OLFML2A: variants seen among roughly 807,000 people sequenced by gnomAD.
OLFML2A encodes the protein olfactomedin like 2A.
In OLFML2A, 47 loss-of-function variants were observed where a neutral mutation model predicts 60.9. The ratio of observed to expected loss-of-function variants is 0.77; its 90% CI spans 0.61 to 0.98. The LOEUF (loss-of-function observed/expected upper bound fraction) is 0.98, where lower values mean the gene tolerates loss of function less well. Ranked by LOEUF, OLFML2A falls within the 50% of genes least tolerant of loss-of-function variation. The pLI, the probability that OLFML2A is intolerant of heterozygous loss-of-function variation, is 0.00. For synonymous variants in OLFML2A, 372 were observed against 375.0 expected (o/e 0.99, Z 0.09); for missense variants, 922 against 879.8 (o/e 1.05, Z -0.61).
At chr9:124,783,687 T>G (rs1270641263) in intron 1 of OLFML2A, among the ~76,000 whole-genome samples, 1 of 152,206 alleles carries the variant, frequency 6.6e-6, no homozygotes, top group Non-Finnish European at 1.5e-5. Context: ...CTAGCATGTC[T>G]ACAAAATGCA....
chr9:124,804,229 C>T lies in OLFML2A; in HGVS notation c.1055C>T (p.Ser352Phe). ...TCCTCCGAGCGAGTGGACCTGGCTT[C>T]TGGCACCCCCACTTCAATCCCTGCC... ...PRSSERVDLA[S>F]GTPTSIPATT... is the part of the protein sequence containing the mutation. Residue 352 changes from serine to phenylalanine, a missense_variant, in exon 6 of 8, where the codon TCT becomes TTT. By Grantham distance (155) the Ser-to-Phe change is radical. Coordinates refer to ENST00000373580, the MANE Select transcript of OLFML2A (RefSeq NM_182487.4). 1 of 1,613,886 alleles carries T rather than the reference C, an allele frequency of 6.2e-7. No individual in the cohort carries two copies. Among genetic ancestry groups the T allele is most frequent in the Non-Finnish European group, 8.5e-7 (1 of 1,179,968 alleles).
Position 124,807,801 on chromosome 9 carries a change from G to A in OLFML2A, c.1189G>A (p.Gly397Ser), listed in dbSNP as rs777158838. 38 of 1,612,666 alleles carry A rather than the reference G, an allele frequency of 2.4e-5. No homozygotes were observed. Among genetic ancestry groups the A allele is most frequent in the East Asian group, 6.7e-5 (3 of 44,868 alleles). Residue 397 changes from glycine (G) to serine (S), a missense_variant, in exon 7 of 8, where the codon GGC becomes AGC. Coordinates refer to ENST00000373580, the MANE Select transcript of OLFML2A (RefSeq NM_182487.4). ...SSQGREASCE[G>S]TLRAVDPPVR... ...CACAGGCAGAGAGGCGAGCTGTGAGGGCACCCTCCGGGCTGTGGACCCCCC... is the reference window on the plus strand; with the variant it reads ...CACAGGCAGAGAGGCGAGCTGTGAGAGCACCCTCCGGGCTGTGGACCCCCC...
In OLFML2A at chr9:124,779,761, G is replaced by T. The variant is rs902435315; in HGVS notation, c.90+2401G>T. Among the ~76,000 whole-genome samples the T allele has an allele frequency of 2.6e-5, 4 of 152,336 alleles. No individual in the cohort carries two copies. In the East Asian group the frequency reaches 7.7e-4, roughly 29 times the overall value. ...CCTTAGCTGAGCCAGACTCCTGCTG[G>T]CTCTGCAGAGAGAGCTGTTTTCATT... On this transcript the variant is annotated intron_variant, in intron 1 of 7. Transcript: ENST00000373580. The surrounding 1 kb of genome is among the most constrained non-coding windows in gnomAD (Gnocchi z 4.1).
At chr9:124,799,603 G>C in intron 4 of OLFML2A, 112 bp downstream of exon 4, 1 of 884,126 alleles carries the variant, frequency 1.1e-6, no homozygotes, top group Non-Finnish European at 1.7e-6. Flanking sequence ...CTGTAAGATG[G>C]GGTTGAGGAC....
At chr9:124,794,091 C>T (rs536636608) in intron 2 of OLFML2A, among the ~76,000 whole-genome samples, 29 of 152,260 alleles carry the variant, frequency 1.9e-4, no homozygotes, top group South Asian at 4.1e-4. Flanking sequence ...AAGTGGGAGA[C>T]GCAGGGTGGG....
intron 1 of OLFML2A, among the ~76,000 whole-genome samples, chr9:124,784,943 G>GTTGTTTTTTTTTTTTT (rs1841429446): frequency 4.3e-5 from 3 of 69,542 alleles, no homozygotes; most frequent in African/African-American, 1.3e-4. Context: ...CCTTTTACTT[G>GTTGTTTTTTTTTTTTT]TTTTTTTTTT....
At chr9:124,804,395 C>T (rs938735156) in intron 6 of OLFML2A, 53 bp downstream of exon 6, 3 of 1,470,016 alleles carry the variant, frequency 2.0e-6, no homozygotes, top group Non-Finnish European at 2.7e-6. Context: ...CAAATCTAGC[C>T]CACAGCCTGT....
rs1341025437 is a variant in OLFML2A, at chr9:124,777,338, GC to G, written c.72del (p.Thr25ArgfsTer14). ...CCGCTAGTGCTGCTGCTGAGCGGCC[GC>G]CCCACGCGCGCCGACAGTAAGGTAC... ...LLPLVLLLSG[R>X]PTRADSKVFG... On this transcript the variant is annotated frameshift_variant, in exon 1 of 8. Transcript: ENST00000373580. LOFTEE classifies it high-confidence loss of function. This position sits in a 1 kb window ranked among gnomAD's most constrained non-coding sequence, Gnocchi z 6.2. 3.1e-6 allele frequency: 4 copies of G among 1,289,430 alleles called. No homozygotes were observed. Among genetic ancestry groups the G allele is most frequent in the Admixed American group, 3.3e-5 (1 of 30,000 alleles). 79.9% of individuals were successfully genotyped at this position (1,289,430 alleles called of 1,614,324 possible).
intron 2 of OLFML2A, 51 bp from the exon 3 acceptor site, chr9:124,794,973 G>A (rs1305143320): frequency 1.8e-6 from 2 of 1,120,042 alleles, no homozygotes; most frequent in Non-Finnish European, 2.6e-6. Flanking sequence ...CTCTGTGTCT[G>A]GCCGGCCATG....
intron 6 of OLFML2A, among the ~76,000 whole-genome samples, chr9:124,807,292 C>CTTT (rs1220692026): frequency 1.2e-5 from 1 of 86,512 alleles, no homozygotes; most frequent in Non-Finnish European, 2.1e-5. Context: ...TTTCTCCATT[C>CTTT]TCTTTTTTTT....
chr9:124,810,247 C>T lies in OLFML2A; in HGVS notation c.1794C>T (p.Val598=), dbSNP rs755547468. 5.0e-6 allele frequency: 8 copies of T among 1,612,848 alleles called. No homozygotes were observed. Among genetic ancestry groups the T allele is most frequent in the South Asian group, 1.1e-5 (1 of 91,082 alleles). ...CGTACAACCAGCAGGAAGGCCAGGT[C>T]GCCTACGCTTTCGACACGCACACGG... The part of the protein sequence containing the change: ...VDTYNQQEGQ[V]AYAFDTHTGT... The change falls in exon 8 of 8, where the codon GTC becomes GTT. Residue 598 remains valine (V), a synonymous_variant. Transcript: ENST00000373580.
chr9:124,786,843 C>T (rs1225482986), intron 1 of OLFML2A, 132 bp from the exon 2 acceptor site: 2 of 796,232 alleles, frequency 2.5e-6, no homozygotes, highest in African/African-American at 1.7e-5. Flanking sequence ...TCTAATTGCA[C>T]CCCCTCCTAC....
chr9:124,807,492 G>A (rs551445603), intron 6 of OLFML2A, among the ~76,000 whole-genome samples: 50 of 151,608 alleles, frequency 3.3e-4, no homozygotes, highest in Admixed American at 2.4e-3. Flanking sequence ...CATGTTGCCC[G>A]GGCTGGTCTT....
In OLFML2A at chr9:124,777,135, AC is replaced by A. The variant is rs1385980841; in HGVS notation, c.-133del. 1 of 328,728 alleles carries A rather than the reference AC, an allele frequency of 3.0e-6. No individual in the cohort carries two copies. Among genetic ancestry groups the A allele is most frequent in the African/African-American group, 2.2e-5 (1 of 45,774 alleles). 20.4% of individuals were successfully genotyped at this position (328,728 alleles called of 1,614,324 possible). On this transcript the variant is annotated 5_prime_UTR_variant, in exon 1 of 8. Transcript: ENST00000373580. The surrounding 1 kb of genome is among the most constrained non-coding windows in gnomAD (Gnocchi z 6.2). ...GCTCCGCCCCTGGCGGCGCTGGAAG[AC>A]CCGCGGGGCTGGCAGCAGGGTGCAG...
intron 6 of OLFML2A, 98 bp from the exon 7 acceptor site, chr9:124,807,683 G>C: frequency 1.1e-6 from 1 of 913,990 alleles, no homozygotes; most frequent in Non-Finnish European, 1.6e-6. Context: ...AATTTCAGGA[G>C]AGATTTAAGT....
chr9:124,800,979 A>C (rs1841762692), intron 4 of OLFML2A: 1 of 1,548,792 alleles, frequency 6.5e-7, no homozygotes, highest in Admixed American at 2.0e-5. Context: ...TGTTCCAGGC[A>C]CTCTGGGATG....
chr9:124,810,410 T>G lies in OLFML2A; in HGVS notation c.1957T>G (p.Ter653GlyextTer75). The G allele has an allele frequency of 6.3e-7, 1 of 1,593,216 alleles. No homozygotes were observed. Among genetic ancestry groups the G allele is most frequent in the Non-Finnish European group, 8.5e-7 (1 of 1,175,056 alleles). ...CACCTACACCCTCCACTTCGTGGTC[T>G]GAGTGGAGACCTGTGCTCCCCGGAG... ...QLTYTLHFVV[*>G] Residue 653 changes from the stop codon to glycine (G), a stop_lost, in exon 8 of 8, where the codon TGA (stop) becomes GGA (glycine). Transcript: ENST00000373580.
intron 3 of OLFML2A, among the ~76,000 whole-genome samples, chr9:124,796,519 T>G (rs752110370): frequency 2.6e-5 from 4 of 152,238 alleles, no homozygotes; most frequent in African/African-American, 4.8e-5. Flanking sequence ...TATCTCCTGT[T>G]TTGCATTATC....
At chr9:124,799,783 G>C (rs547255040) in intron 4 of OLFML2A, among the ~76,000 whole-genome samples, 2 of 152,178 alleles carry the variant, frequency 1.3e-5, no homozygotes, top group Non-Finnish European at 2.9e-5. Context: ...AACTAGTAGG[G>C]ACAAGCTTGT....
Sources: gnomAD v4.1 joint callset for allele counts (sites outside exome capture counted in the v4.1 genomes callset) on GRCh38, gnomAD v4.1.1 for gene constraint, Gnocchi (gnomAD v3.1) non-coding constraint, MANE v1.5 for transcripts, NCBI Gene and HGNC (gene_info 2026-07-23, HGNC 2026-07-21) for gene names.